FBXO15: variants seen among roughly 807,000 people sequenced by gnomAD.
The protein encoded by FBXO15 is F-box only protein 15.
FBXO15 carries 30 observed loss-of-function variants against 49.5 expected under a neutral mutation model. The observed-to-expected ratio is 0.61, with a 90% confidence interval of 0.45 to 0.82. The LOEUF is 0.82. Ranked by LOEUF, FBXO15 falls within the 40% of genes least tolerant of loss-of-function variation. FBXO15 has a pLI of 0.00. For synonymous variants in FBXO15, 250 were observed against 232.7 expected, an observed-to-expected ratio of 1.07 and a Z score of -0.68; for missense variants, 591 against 631.5, an observed-to-expected ratio of 0.94 and a Z score of 0.69.
Position 74,135,848 on chromosome 18 carries a change from C to T in FBXO15, c.246G>A (p.Leu82=), listed in dbSNP as rs1487348187. Residue 82 remains leucine, a synonymous_variant, in exon 3 of 10, where the codon TTG becomes TTA. Coordinates refer to ENST00000419743, the MANE Select transcript of FBXO15 (RefSeq NM_001142958.2). ...GFLDGMPSEI[L]LKIFSYLDAV... The stretch of plus-strand genomic sequence containing the variant: ...CATCCAAGTAGGAAAATATCTTCAG[C>T]AAGATTTCTGAAGGCATTCTGCAAA... 1 of 1,610,780 alleles carries T rather than the reference C, an allele frequency of 6.2e-7. No homozygotes were observed. Among genetic ancestry groups the T allele is most frequent in the Non-Finnish European group, 8.5e-7 (1 of 1,179,098 alleles).
chr18:74,109,592 A>G (rs781089563), intron 8 of FBXO15, among the ~76,000 whole-genome samples: 5 of 152,246 alleles, frequency 3.3e-5, no homozygotes, highest in Non-Finnish European at 4.4e-5. Context: ...ATGTTCATCA[A>G]TCATAGACTG....
At chr18:74,128,576 G>A (rs778189724) in intron 5 of FBXO15, among the ~76,000 whole-genome samples, 1 of 152,200 alleles carries the variant, frequency 6.6e-6, no homozygotes. Context: ...ACCAACGCAG[G>A]AGAAGGCAGG....
chr18:74,106,770 T>C (rs1229294547), intron 8 of FBXO15, among the ~76,000 whole-genome samples: 1 of 152,134 alleles, frequency 6.6e-6, no homozygotes, highest in African/African-American at 2.4e-5. Flanking sequence ...TTTTCACCTC[T>C]CAAATCAATA....
intron 8 of FBXO15, among the ~76,000 whole-genome samples, chr18:74,096,574 T>C (rs1439924998): frequency 2.0e-5 from 3 of 148,384 alleles, no homozygotes; most frequent in Non-Finnish European, 3.0e-5. Flanking sequence ...AACTAATCAT[T>C]CAGTGGAAAG....
At chr18:74,121,828 T>C (rs552698670) in intron 8 of FBXO15, among the ~76,000 whole-genome samples, 9 of 152,188 alleles carry the variant, frequency 5.9e-5, no homozygotes, top group Non-Finnish European at 1.3e-4. Flanking sequence ...AGATGACTAG[T>C]GCCTCAGTGA....
chr18:74,090,027 C>A (rs1167653897), intron 8 of FBXO15, among the ~76,000 whole-genome samples: 1 of 152,120 alleles, frequency 6.6e-6, no homozygotes, highest in East Asian at 1.9e-4. Context: ...TAGAATTTGG[C>A]TGTGAGTCCT....
At chr18:74,085,780 T>G (rs952666064) in intron 8 of FBXO15, among the ~76,000 whole-genome samples, 1 of 152,212 alleles carries the variant, frequency 6.6e-6, no homozygotes, top group Admixed American at 6.5e-5. Context: ...TCAACTTATC[T>G]TCTAATTTAC....
At position 74,090,431 on chromosome 18, in the gene FBXO15, CTT is replaced by C. The variant is rs368617682; in HGVS notation, c.1139-8382_1139-8381del. Among the ~76,000 whole-genome samples the C allele has an allele frequency of 3.1e-3, 467 of 152,142 alleles. 2 individuals carry two copies. Among genetic ancestry groups the C allele is most frequent in the African/African-American group, 0.011 (449 of 41,522 alleles). Reference sequence around the variant, plus strand: ...AGTTCAGCTCTGATTTTGGTTATCTCTTGTCTTCTGCTAACTTTGGGGTTGAT... The same window carrying C: ...AGTTCAGCTCTGATTTTGGTTATCTCGTCTTCTGCTAACTTTGGGGTTGAT... On this transcript the variant is annotated intron_variant, in intron 8 of 9. Coordinates refer to ENST00000419743, the MANE Select transcript of FBXO15 (RefSeq NM_001142958.2).
At position 74,074,892 on chromosome 18, in the gene FBXO15, C is replaced by G. The variant is rs1912195651; in HGVS notation, c.1264-1162G>C. 1.3e-5 allele frequency among the ~76,000 whole-genome samples: 2 copies of G among 152,186 alleles called. No homozygotes were observed. Among genetic ancestry groups the G allele is most frequent in the African/African-American group, 4.8e-5 (2 of 41,440 alleles). ...CAGCCCTTCCTTCTCCCGCCTCTTC[C>G]TTTCCACTTTAGATTTCACTGGCCT... On this transcript the variant is annotated intron_variant, in intron 9 of 9. Transcript: ENST00000419743. This position sits in a 1 kb window ranked among gnomAD's most constrained non-coding sequence, Gnocchi z 4.7.
intron 8 of FBXO15, among the ~76,000 whole-genome samples, chr18:74,114,483 G>A (rs1914148151): frequency 6.6e-6 from 1 of 151,566 alleles, no homozygotes; most frequent in African/African-American, 2.4e-5. Flanking sequence ...TGAAATTAGG[G>A]AGCCAATGTC....
At chr18:74,123,775 G>T (rs1475471992) in intron 7 of FBXO15, among the ~76,000 whole-genome samples, 1 of 152,098 alleles carries the variant, frequency 6.6e-6, no homozygotes, top group Non-Finnish European at 1.5e-5. Context: ...TTCTGCAGCT[G>T]ATCCCAGCAT....
chr18:74,123,296 T>A (rs1914548108), intron 8 of FBXO15, 72 bp downstream of exon 8: 2 of 1,510,754 alleles, frequency 1.3e-6, no homozygotes, highest in Non-Finnish European at 1.8e-6. Flanking sequence ...AATTCTTAAC[T>A]CGGACATCAA....
rs377299466 is a variant in FBXO15, at chr18:74,147,486, T to G, written c.116+184A>C. ...AGGCTACTCTATTTGTGTCATAACTTAGGGTACCCCACGTTGCAGGGTAGA... is the reference window on the plus strand; with the variant it reads ...AGGCTACTCTATTTGTGTCATAACTGAGGGTACCCCACGTTGCAGGGTAGA... On this transcript the variant is annotated intron_variant, in intron 1 of 9. Coordinates refer to ENST00000419743, the MANE Select transcript of FBXO15 (RefSeq NM_001142958.2). 3.3e-6 allele frequency: 4 copies of G among 1,229,892 alleles called. No individual in the cohort carries two copies. In the African/African-American group the frequency reaches 6.2e-5, roughly 19 times the overall value. The allele number at this position is 1,229,892 out of a possible 1,614,324, so 76.2% of individuals were successfully genotyped here. A position where few individuals can be genotyped will look rare whatever the true frequency, so the allele number is the denominator to read the frequency against.
intron 8 of FBXO15, among the ~76,000 whole-genome samples, chr18:74,090,550 A>C (rs1479036687): frequency 6.6e-6 from 1 of 152,112 alleles, no homozygotes; most frequent in Admixed American, 6.5e-5. Flanking sequence ...TAGTGCTATA[A>C]ACTTCCTTCA....
chr18:74,100,665 G>T (rs1054242768), intron 8 of FBXO15, among the ~76,000 whole-genome samples: 1 of 152,000 alleles, frequency 6.6e-6, no homozygotes, highest in African/African-American at 2.4e-5. Context: ...TAGACCATTA[G>T]CAAGATTAAT....
intron 9 of FBXO15, chr18:74,078,512 G>A (rs1912351522): frequency 6.5e-6 from 1 of 152,754 alleles, no homozygotes; most frequent in African/African-American, 2.4e-5. Context: ...ACCTCTAGAA[G>A]CTCGCTCCTT....
chr18:74,133,528 G>A (rs1381516646), intron 3 of FBXO15, among the ~76,000 whole-genome samples: 3 of 152,210 alleles, frequency 2.0e-5, no homozygotes, highest in Non-Finnish European at 4.4e-5. Flanking sequence ...CTTGAAAAAT[G>A]CCTTGCTGTG....
At chr18:74,080,212 G>C (rs1912431901) in intron 9 of FBXO15, among the ~76,000 whole-genome samples, 1 of 152,180 alleles carries the variant, frequency 6.6e-6, no homozygotes, top group Non-Finnish European at 1.5e-5. Flanking sequence ...GATTCCTGGA[G>C]AGAAATACCT....
At chr18:74,129,704 T>A in intron 4 of FBXO15, 90 bp from the exon 5 acceptor site, 1 of 1,086,954 alleles carries the variant, frequency 9.2e-7, no homozygotes, top group Non-Finnish European at 1.3e-6. Flanking sequence ...CTAAAGCATC[T>A]AGTTCCTTAA....
Sources: gnomAD v4.1 joint callset for allele counts (sites outside exome capture counted in the v4.1 genomes callset) on GRCh38, gnomAD v4.1.1 for gene constraint, Gnocchi (gnomAD v3.1) non-coding constraint, MANE v1.5 for transcripts, NCBI Gene and HGNC (gene_info 2026-07-23, HGNC 2026-07-21) for gene names.